The following MTM1 variants were observed in gnomAD, a reference collection of about 807,000 sequenced individuals.
MTM1 encodes myotubularin.
A neutral mutation model predicts 52.1 loss-of-function variants in MTM1; 9 were observed. The ratio of observed to expected loss-of-function variants is 0.17; its 90% confidence interval spans 0.10 to 0.30. MTM1 has a LOEUF of 0.30. Ranked by LOEUF, MTM1 falls within the 10% of genes least tolerant of loss-of-function variation. MTM1 has a pLI of 1.00. For synonymous variants in MTM1, 136 were observed against 163.8 expected, an observed-to-expected ratio of 0.83 and a Z score of 1.29; for missense variants, 277 against 470.7, an observed-to-expected ratio of 0.59 and a Z score of 3.81.
chrX:150,595,084 T>G (rs1435269548), intron 2 of MTM1, among the ~76,000 whole-genome samples: 1 of 111,485 alleles, frequency 9.0e-6, no homozygotes, highest in Admixed American at 9.5e-5. Context: ...ATAACACCCC[T>G]CTTTGACAGC....
upstream of MTM1, among the ~76,000 whole-genome samples, chrX:150,568,303 CG>C (rs2038290615): frequency 1.8e-5 from 2 of 113,412 alleles, no homozygotes; most frequent in Non-Finnish European, 3.7e-5. Flanking sequence ...CTCCGCCCGG[CG>C]CCCAGTCCAA....
chrX:150,563,393 C>T, the MTM1 span, among the ~76,000 whole-genome samples: 2 of 92,435 alleles, frequency 2.2e-5, no homozygotes, highest in African/African-American at 4.0e-5. Flanking sequence ...TGGCTCACTG[C>T]AACCTCTGCC....
At chrX:150,655,783 T>C (rs907200329) in intron 10 of MTM1, among the ~76,000 whole-genome samples, 4 of 111,778 alleles carry the variant, frequency 3.6e-5, no homozygotes, top group African/African-American at 9.8e-5. Flanking sequence ...ACTTTTTGGG[T>C]GATGCAGGTG....
At chrX:150,656,480 C>T (rs1290542751) in intron 10 of MTM1, among the ~76,000 whole-genome samples, 2 of 111,855 alleles carry the variant, frequency 1.8e-5, no homozygotes, top group African/African-American at 6.5e-5. Context: ...CTTCTAGCCT[C>T]CAGAACTGTG....
chrX:150,575,314 C>A (rs1418097824), intron 1 of MTM1, among the ~76,000 whole-genome samples: 1 of 112,518 alleles, frequency 8.9e-6, no homozygotes, highest in Admixed American at 9.3e-5. Flanking sequence ...TACATACTTG[C>A]TGCCCTGGGC....
intron 3 of MTM1, chrX:150,596,825 T>G: frequency 3.1e-6 from 1 of 321,396 alleles, no homozygotes; most frequent in Middle Eastern, 9.4e-4. Context: ...AAAATGTGGA[T>G]TATCTCTTGA....
intron 14 of MTM1, among the ~76,000 whole-genome samples, chrX:150,664,763 A>AT (rs1179928783): frequency 8.9e-6 from 1 of 112,554 alleles, no homozygotes; most frequent in African/African-American, 3.2e-5. Flanking sequence ...TTATTAAAAA[A>AT]TGTTTTTATA....
At chrX:150,654,382 T>G (rs782558820) in intron 10 of MTM1, among the ~76,000 whole-genome samples, 4 of 110,394 alleles carry the variant, frequency 3.6e-5, no homozygotes, top group Non-Finnish European at 5.7e-5. Flanking sequence ...CCATTGCTTC[T>G]CAACAGCCCT....
chrX:150,592,284 G>GT (rs1445645761), intron 1 of MTM1, among the ~76,000 whole-genome samples: 2 of 111,625 alleles, frequency 1.8e-5, no homozygotes, highest in African/African-American at 3.3e-5. Flanking sequence ...TAAACATTAA[G>GT]TTTTTTTAGA....
At chrX:150,632,009 G>A (rs111837152) in intron 6 of MTM1, among the ~76,000 whole-genome samples, 3,125 of 112,006 alleles carry the variant, frequency 0.028, 93 homozygotes, top group African/African-American at 0.088. Flanking sequence ...GGTAGAACGA[G>A]CCTCCCCTTG....
chrX:150,650,155 T>G (rs2148498365), intron 10 of MTM1, among the ~76,000 whole-genome samples: 1 of 112,104 alleles, frequency 8.9e-6, no homozygotes, highest in South Asian at 3.7e-4. Flanking sequence ...TCGTTCAGTC[T>G]TTCATGCAGG....
At chrX:150,591,361 G>T (rs1181241582) in intron 1 of MTM1, among the ~76,000 whole-genome samples, 1 of 112,062 alleles carries the variant, frequency 8.9e-6, no homozygotes, top group African/African-American at 3.2e-5. Flanking sequence ...GTGAGTTCCA[G>T]TGTGCGCCAG....
chrX:150,667,215 C>T (rs1261547799), intron 14 of MTM1, among the ~76,000 whole-genome samples: 9 of 111,615 alleles, frequency 8.1e-5, no homozygotes, highest in Non-Finnish European at 9.4e-5. Flanking sequence ...CTGGCATCCT[C>T]ACCAACAACC....
intron 4 of MTM1, among the ~76,000 whole-genome samples, chrX:150,608,583 A>G (rs1775932206): frequency 8.9e-6 from 1 of 111,740 alleles, no homozygotes; most frequent in South Asian, 3.8e-4. Flanking sequence ...TGAAATACAT[A>G]CACATTGTAG....
intron 8 of MTM1, among the ~76,000 whole-genome samples, chrX:150,641,689 GA>G (rs1398859875): frequency 9.0e-6 from 1 of 111,636 alleles, no homozygotes; most frequent in African/African-American, 3.3e-5. Context: ...GTGCTGTGTG[GA>G]AGGAAGCAAG....
chrX:150,667,619 C>G (rs186110296), intron 14 of MTM1, among the ~76,000 whole-genome samples: 1 of 112,041 alleles, frequency 8.9e-6, no homozygotes, highest in African/African-American at 3.2e-5. Context: ...TCCCACAGCA[C>G]TTACTGGGTG....
At chrX:150,625,687 T>A (rs191561248) in intron 6 of MTM1, among the ~76,000 whole-genome samples, 2 of 112,745 alleles carry the variant, frequency 1.8e-5, no homozygotes, top group African/African-American at 3.2e-5. Context: ...GGTTTTTGTT[T>A]TTGCACTTGC....
At chrX:150,591,727 G>A (rs1216527599) in intron 1 of MTM1, among the ~76,000 whole-genome samples, 1 of 112,677 alleles carries the variant, frequency 8.9e-6, no homozygotes, top group Non-Finnish European at 1.9e-5. Flanking sequence ...TGCAACCTCC[G>A]GCATAAATGG....
chrX:150,583,856 AAAATATATATTAAATATATATT>A (rs1163005371), intron 1 of MTM1, among the ~76,000 whole-genome samples: 1 of 50,144 alleles, frequency 2.0e-5, no homozygotes, highest in Admixed American at 4.3e-4. Flanking sequence ...TCAAATATAT[AAAATATATATTAAATATATATT>A]AAATATATAT....
Sources: allele counts gnomAD v4.1 joint callset (sites outside exome capture counted in the v4.1 genomes callset), GRCh38; gene constraint gnomAD v4.1.1; transcripts MANE v1.5; gene names NCBI Gene and HGNC (gene_info 2026-07-23, HGNC 2026-07-21).